AKT3: variants seen among roughly 807,000 people sequenced by gnomAD.
AKT3 encodes AKT serine/threonine kinase 3, also known as RAC-gamma serine/threonine-protein kinase.
AKT3 carries 15 observed loss-of-function variants against 65.3 expected under a neutral mutation model. The observed-to-expected ratio is 0.23, with a 90% CI of 0.15 to 0.35. The LOEUF is 0.35. AKT3 is among the 10% of genes least tolerant of loss of function. The pLI, the probability that AKT3 is intolerant of heterozygous loss-of-function variation, is 1.00. For missense variants in AKT3, 243 were observed against 576.5 expected (o/e 0.42, Z 5.92); for synonymous variants, 206 against 183.8 (o/e 1.12, Z -0.98).
At chr1:243,506,931 CT>C (rs1669705443) in intron 13 of AKT3, among the ~76,000 whole-genome samples, 1 of 152,192 alleles carries the variant, frequency 6.6e-6, no homozygotes, top group Non-Finnish European at 1.5e-5. Flanking sequence ...ACGGAAGGAG[CT>C]GGGAATGATG....
chr1:243,602,808 T>C (rs1277544016), intron 8 of AKT3, among the ~76,000 whole-genome samples: 3 of 151,920 alleles, frequency 2.0e-5, no homozygotes, highest in African/African-American at 4.8e-5. Flanking sequence ...ATAAAGAAAA[T>C]AGAGGAATGT....
intron 2 of AKT3, among the ~76,000 whole-genome samples, chr1:243,755,470 G>A (rs1689077326): frequency 6.6e-6 from 1 of 152,086 alleles, no homozygotes; most frequent in African/African-American, 2.4e-5. Flanking sequence ...GGTTTAAAGT[G>A]TAAGCATATC....
At chr1:243,529,485 G>T (rs938320930) in intron 12 of AKT3, among the ~76,000 whole-genome samples, 3 of 152,036 alleles carry the variant, frequency 2.0e-5, no homozygotes, top group Non-Finnish European at 4.4e-5. Flanking sequence ...GTAAGAAAGG[G>T]GTCCAGTTTC....
chr1:243,622,818 G>A (rs1025139654), intron 6 of AKT3, among the ~76,000 whole-genome samples: 4 of 152,194 alleles, frequency 2.6e-5, no homozygotes, highest in Non-Finnish European at 5.9e-5. Flanking sequence ...GAATATGAAA[G>A]AAGAGAACAA....
chr1:243,589,741 A>G (rs1676092625), intron 8 of AKT3, among the ~76,000 whole-genome samples: 1 of 152,214 alleles, frequency 6.6e-6, no homozygotes, highest in Non-Finnish European at 1.5e-5. Flanking sequence ...CTGTACTCCC[A>G]CATACACTGT....
At chr1:243,700,021 C>T (rs1430346005) in intron 2 of AKT3, among the ~76,000 whole-genome samples, 1 of 152,098 alleles carries the variant, frequency 6.6e-6, no homozygotes, top group East Asian at 1.9e-4. Flanking sequence ...ACCTTGATTT[C>T]TAACTTCTGG....
At chr1:243,823,620 CCAA>C in intron 2 of AKT3, among the ~76,000 whole-genome samples, 1 of 152,176 alleles carries the variant, frequency 6.6e-6, no homozygotes, top group Non-Finnish European at 1.5e-5. Context: ...TTCCTATACA[CCAA>C]CAACAGACAA....
At chr1:243,792,787 G>A (rs1024475490) in intron 2 of AKT3, among the ~76,000 whole-genome samples, 12 of 152,124 alleles carry the variant, frequency 7.9e-5, no homozygotes, top group Non-Finnish European at 1.5e-4. Context: ...AACAGGTTTC[G>A]TAGCTAGAAC....
chr1:243,739,677 G>C (rs1363799399), intron 2 of AKT3: 3 of 152,070 alleles, frequency 2.0e-5, no homozygotes, highest in Non-Finnish European at 4.4e-5. Context: ...CCTCAACCAC[G>C]TCCTGCTGAT....
At chr1:243,561,405 G>C (rs982215058) in intron 10 of AKT3, among the ~76,000 whole-genome samples, 1 of 152,052 alleles carries the variant, frequency 6.6e-6, no homozygotes, top group Admixed American at 6.6e-5. Flanking sequence ...TTGAGGCCAG[G>C]ACGTATGTAG....
At chr1:243,822,136 C>T (rs1037620537) in intron 2 of AKT3, among the ~76,000 whole-genome samples, 3 of 152,170 alleles carry the variant, frequency 2.0e-5, no homozygotes, top group Admixed American at 6.5e-5. Flanking sequence ...CTCAAAACCA[C>T]ACAACTACAT....
intron 8 of AKT3, among the ~76,000 whole-genome samples, chr1:243,586,984 G>C (rs1675859802): frequency 6.6e-6 from 1 of 151,856 alleles, no homozygotes; most frequent in Non-Finnish European, 1.5e-5. Context: ...TATAACATGT[G>C]ACAAAGCTCA....
chr1:243,521,364 T>C (rs1159358137), intron 12 of AKT3, among the ~76,000 whole-genome samples: 2 of 152,180 alleles, frequency 1.3e-5, no homozygotes, highest in Non-Finnish European at 2.9e-5. Flanking sequence ...AAGTAGTCAA[T>C]CATAGGTGGA....
intron 2 of AKT3, among the ~76,000 whole-genome samples, chr1:243,841,632 T>C (rs1695248319): frequency 6.6e-6 from 1 of 152,088 alleles, no homozygotes; most frequent in Non-Finnish European, 1.5e-5. Context: ...TCTTATAAAG[T>C]TAAACACACA....
At chr1:243,490,503 C>G (rs1275903202) in intron 13 of AKT3, among the ~76,000 whole-genome samples, 1 of 152,244 alleles carries the variant, frequency 6.6e-6, no homozygotes, top group Non-Finnish European at 1.5e-5. Flanking sequence ...CTGGAAAGAA[C>G]AGAGAATTAT....
At chr1:243,698,922 A>G (rs968862906) in intron 2 of AKT3, among the ~76,000 whole-genome samples, 3 of 152,024 alleles carry the variant, frequency 2.0e-5, no homozygotes, top group African/African-American at 7.2e-5. Context: ...CCAAAAAAAA[A>G]AAAAAAGACA....
intron 11 of AKT3, among the ~76,000 whole-genome samples, chr1:243,549,480 G>A (rs915778458): frequency 1.3e-5 from 2 of 152,094 alleles, no homozygotes; most frequent in African/African-American, 4.8e-5. Flanking sequence ...CCAGGCTGGA[G>A]TGCAATGGTG....
chr1:243,691,741 A>G (rs192764176), intron 3 of AKT3, among the ~76,000 whole-genome samples: 22 of 152,354 alleles, frequency 1.4e-4, no homozygotes, highest in African/African-American at 5.3e-4. Context: ...TGGTCAAAAA[A>G]TATCTAGGTA....
intron 2 of AKT3, among the ~76,000 whole-genome samples, chr1:243,736,780 C>T (rs888787028): frequency 2.0e-5 from 3 of 152,174 alleles, no homozygotes; most frequent in Admixed American, 6.5e-5. Flanking sequence ...GATTCATCTA[C>T]TTTAAAACAC....
Sources: gnomAD v4.1 joint callset for allele counts (sites outside exome capture counted in the v4.1 genomes callset) on GRCh38, gnomAD v4.1.1 for gene constraint, MANE v1.5 for transcripts, NCBI Gene and HGNC (gene_info 2026-07-23, HGNC 2026-07-21) for gene names.